Variants in KNL1 observed in about 807,000 individuals in gnomAD.
The protein encoded by KNL1 is kinetochore scaffold 1.
KNL1 carries 66 observed loss-of-function variants against 201.3 expected under a neutral mutation model. That is an observed-to-expected ratio of 0.33 (90% CI 0.27 to 0.40). KNL1 has a LOEUF of 0.40. Ranked by LOEUF, KNL1 falls within the 10% of genes least tolerant of loss-of-function variation. The probability of loss-of-function intolerance (pLI) is 1.00; values close to 1 mark genes in which losing one functional copy is unlikely to be tolerated. For synonymous variants in KNL1, 895 were observed against 899.2 expected (o/e 1.00, Z 0.08); for missense variants, 2,815 against 2,690.5 (o/e 1.05, Z -1.02).
rs1893755927 is a variant in KNL1, at chr15:40,657,061, C to T, written c.6504C>T (p.Ser2168=). 1 of 1,580,336 alleles carries T rather than the reference C, an allele frequency of 6.3e-7. No homozygotes were observed. Among genetic ancestry groups the T allele is most frequent in the Non-Finnish European group, 8.6e-7 (1 of 1,163,142 alleles). Residue 2168 remains serine (S), a synonymous_variant, in exon 23 of 26, where the codon TCC becomes TCT. Transcript: ENST00000399668. ...SLLDEDQAPP[S]SLLVHKLIFQ... ...CCCCAGAGGATCAAGCTCCTCCTTC[C>T]TCCCTTTTAGTTCATAAGCTTATTT...
In KNL1 at chr15:40,654,936, A is replaced by T; in HGVS notation, c.6443A>T (p.Tyr2148Phe). ...GGTTTCCCTTTCCTGGACAAGCGTTATAGGAAGATTGTTGATGTCAATTTT... is the reference window on the plus strand; with the variant it reads ...GGTTTCCCTTTCCTGGACAAGCGTTTTAGGAAGATTGTTGATGTCAATTTT... ...VVGFPFLDKR[Y>F]RKIVDVNFQS... is the part of the protein sequence containing the mutation. Residue 2148 changes from tyrosine to phenylalanine, a missense_variant, in exon 22 of 26, where the codon TAT becomes TTT. By Grantham distance (22) the Tyr-to-Phe change is conservative. This residue lies in a region of KNL1 where 334 missense variants were observed against 362.6 expected (regional missense o/e 0.92). Coordinates refer to ENST00000399668, the MANE Select transcript of KNL1 (RefSeq NM_144508.5). 1 of 1,613,106 alleles carries T rather than the reference A, an allele frequency of 6.2e-7. No homozygotes were observed. The highest frequency in any genetic ancestry group is 1.1e-5 in the South Asian group (1 of 91,072).
In KNL1 at chr15:40,623,914, T is replaced by C. The variant is rs758895510; in HGVS notation, c.3650T>C (p.Leu1217Pro). The C allele has an allele frequency of 1.4e-5, 22 of 1,613,284 alleles. No individual in the cohort carries two copies. In the South Asian group the frequency reaches 2.3e-4, roughly 17 times the overall value. ...CVQEIAEKQA[L>P]AVGNKIVLHT... ...CAAGAAATCGCTGAAAAACAAGCAC[T>C]GGCTGTAGGAAACAAAATAGTTCTT... Residue 1217 changes from leucine (L) to proline (P), a missense_variant, in exon 10 of 26, where the codon CTG (leucine) becomes CCG (proline). Physicochemically the swap from Leu to Pro is moderately conservative, Grantham distance 98. Around this residue, in one of 3 missense-constraint regions of KNL1, gnomAD observed 2,464 missense variants for 2,291.7 expected, o/e 1.08. Transcript: ENST00000399668.
intron 13 of KNL1, among the ~76,000 whole-genome samples, chr15:40,638,381 A>G (rs1396243420): frequency 1.3e-5 from 2 of 152,114 alleles, no homozygotes; most frequent in Non-Finnish European, 2.9e-5. Flanking sequence ...AAACTGTTTT[A>G]AAGACAAGCT....
In KNL1 at chr15:40,628,697, T is replaced by C. The variant is rs1892819934; in HGVS notation, c.5583+19T>C. ...GAGGGAGGTATGTTAAAATTCTTTT[T>C]CTTTTTTTTATTTATAAAGAAAAGA... is the stretch of plus-strand genomic sequence containing the variant. On this transcript the variant is annotated intron_variant, in intron 12 of 25. Coordinates refer to ENST00000399668, the MANE Select transcript of KNL1 (RefSeq NM_144508.5). 3 of 1,487,872 alleles carry C rather than the reference T, an allele frequency of 2.0e-6. No individual in the cohort carries two copies. Among genetic ancestry groups the C allele is most frequent in the African/African-American group, 1.4e-5 (1 of 71,386 alleles). The allele number at this position is 1,487,872 out of a possible 1,614,324, so 92.2% of individuals were successfully genotyped here.
chr15:40,601,827 C>CA (rs368257573), intron 1 of KNL1, among the ~76,000 whole-genome samples: 19,299 of 64,560 alleles, frequency 0.3, 3,125 homozygotes, highest in Non-Finnish European at 0.4. Context: ...GACTCCGTCT[C>CA]AAAAAAAAAA....
At chr15:40,653,518 C>T (rs1182883609) in intron 21 of KNL1, among the ~76,000 whole-genome samples, 1 of 152,156 alleles carries the variant, frequency 6.6e-6, no homozygotes, top group Non-Finnish European at 1.5e-5. Context: ...TAATATTCAT[C>T]CACTGTTTTT....
chr15:40,651,548 C>T lies in KNL1; in HGVS notation c.6290C>T (p.Thr2097Ile), dbSNP rs983782884. The change falls in exon 20 of 26, where the codon ACT becomes ATT. Residue 2097 changes from threonine (T) to isoleucine (I), a missense_variant. By Grantham distance (89) the Thr-to-Ile change is moderately conservative (BLOSUM62 -1). Transcript: ENST00000399668. ...TTTATGCAAAAACAAAGAAATAGAA[C>T]TGAAGAGCTACTGGATCAGTTGAGG... Reference protein sequence around the residue: ...IDFMQKQRNRTEELLDQLSLS... With the variant: ...IDFMQKQRNRIEELLDQLSLS... The T allele has an allele frequency of 1.7e-5, 28 of 1,609,302 alleles. No individual in the cohort carries two copies. The highest frequency in any genetic ancestry group is 2.3e-5 in the Non-Finnish European group (27 of 1,178,162).
chr15:40,651,613 T>G, intron 20 of KNL1, 41 bp downstream of exon 20: 1 of 1,402,966 alleles, frequency 7.1e-7, no homozygotes, highest in African/African-American at 1.4e-5. Context: ...TTTTATTCTG[T>G]ACCTTGTGGT....
chr15:40,605,252 C>A, intron 3 of KNL1, 103 bp downstream of exon 3: 2 of 652,814 alleles, frequency 3.1e-6, no homozygotes, highest in Non-Finnish European at 2.8e-6. Flanking sequence ...CCCTTACTGG[C>A]TTCCTGTTGC....
At chr15:40,655,189 T>C (rs978492708) in intron 22 of KNL1, among the ~76,000 whole-genome samples, 1 of 152,136 alleles carries the variant, frequency 6.6e-6, no homozygotes, top group Non-Finnish European at 1.5e-5. Flanking sequence ...CCCTAGCTAC[T>C]CAGGAGGCTG....
intron 13 of KNL1, among the ~76,000 whole-genome samples, chr15:40,638,908 T>G (rs1163579635): frequency 4.6e-5 from 7 of 151,682 alleles, no homozygotes; most frequent in Non-Finnish European, 1.0e-4. Context: ...GCCTCCCGAT[T>G]TCAAGTGATT....
At chr15:40,651,059 C>T (rs1222274084) in intron 19 of KNL1, among the ~76,000 whole-genome samples, 4 of 148,424 alleles carry the variant, frequency 2.7e-5, no homozygotes, top group East Asian at 2.0e-4. Context: ...AACAACTAAA[C>T]GAAACCAAAT....
At chr15:40,629,495 C>CTTTTTTTTTTTTTT (rs386382806) in intron 13 of KNL1, 124 bp downstream of exon 13, 2 of 162,466 alleles carry the variant, frequency 1.2e-5, no homozygotes, top group Admixed American at 1.6e-4. Context: ...TTTGCCTTTT[C>CTTTTTTTTTTTTTT]TTTTTTTTTT....
At chr15:40,628,579 TTGTTCGTCACC>T (rs1892816006) in intron 11 of KNL1, 21 bp from the exon 12 acceptor site, 1 of 1,451,488 alleles carries the variant, frequency 6.9e-7, no homozygotes, top group Admixed American at 1.9e-5. Flanking sequence ...TAGTTTTGAC[TTGTTCGTCACC>T]AGAATTTGCT....
At position 40,650,589 on chromosome 15, in the gene KNL1, C is replaced by T. The variant is rs569297540; in HGVS notation, c.6212+6C>T. On this transcript the variant is annotated splice_donor_region_variant and intron_variant, in intron 19 of 25. Transcript: ENST00000399668. ...GAAGAAGAGGAGCTTCAAAGGTCAGCCTTCAATCCAAGTGTTAGAAAATAT... is the reference window on the plus strand; with the variant it reads ...GAAGAAGAGGAGCTTCAAAGGTCAGTCTTCAATCCAAGTGTTAGAAAATAT... 1 of 1,557,312 alleles carries T rather than the reference C, an allele frequency of 6.4e-7. No homozygotes were observed.
rs1048263346 is a variant in KNL1 at position 40,657,244 on chromosome 15, A to G, written c.6594+93A>G. ...TTTACATAAATAATAGTGGATCCTG[A>G]AATGATAAATGTATTCAATTGTTTA... On this transcript the variant is annotated intron_variant, in intron 23 of 25. Coordinates refer to ENST00000399668, the MANE Select transcript of KNL1 (RefSeq NM_144508.5). 5.9e-6 allele frequency: 6 copies of G among 1,008,514 alleles called. No individual in the cohort carries two copies. The Admixed American group carries it at 9.8e-5, about 17-fold the overall frequency. 62.5% of individuals were successfully genotyped at this position (1,008,514 alleles called of 1,614,324 possible).
chr15:40,615,475 A>G (rs1258678259), intron 8 of KNL1, 97 bp downstream of exon 8: 1 of 299,410 alleles, frequency 3.3e-6, no homozygotes, highest in Non-Finnish European at 5.9e-6. Context: ...ACCACGAAAA[A>G]AAAGCAAACA....
chr15:40,624,074 GCA>G lies in KNL1; in HGVS notation c.3811_3812del (p.Gln1271SerfsTer2), dbSNP rs774531924. The G allele has an allele frequency of 1.2e-6, 2 of 1,614,020 alleles. No individual in the cohort carries two copies. Among genetic ancestry groups the G allele is most frequent in the African/African-American group, 2.7e-5 (2 of 75,052 alleles). On this transcript the variant is annotated frameshift_variant, in exon 10 of 26. Transcript: ENST00000399668. LOFTEE classifies it high-confidence loss of function. Reference protein sequence around the residue: ...VDQACTLEKAQVESCQLNNRD... With the variant: ...VDQACTLEKAXVESCQLNNRD... Reference sequence around the variant, plus strand: ...ACCAGGCCTGTACATTGGAAAAAGCGCAAGTTGAAAGCTGTCAGTTAAATAAT... The same window carrying G: ...ACCAGGCCTGTACATTGGAAAAAGCGAGTTGAAAGCTGTCAGTTAAATAAT...
chr15:40,606,050 TGATA>T (rs1230715585), intron 3 of KNL1, among the ~76,000 whole-genome samples: 14 of 152,206 alleles, frequency 9.2e-5, no homozygotes, highest in African/African-American at 3.4e-4. Flanking sequence ...TTGATTATCC[TGATA>T]TGGGTCAAGT....
Sources: allele counts gnomAD v4.1 joint callset (sites outside exome capture counted in the v4.1 genomes callset), GRCh38; gene constraint gnomAD v4.1.1; regional missense constraint gnomAD v4.1.1; transcripts MANE v1.5; gene names NCBI Gene and HGNC (gene_info 2026-07-23, HGNC 2026-07-21).